NKAIN2: variants seen among roughly 807,000 people sequenced by gnomAD.
The protein encoded by NKAIN2 is sodium/potassium transporting ATPase interacting 2.
NKAIN2 carries 14 observed loss-of-function variants against 32.6 expected under a neutral mutation model. That is an observed-to-expected ratio of 0.43 (90% CI 0.28 to 0.67). The LOEUF (loss-of-function observed/expected upper bound fraction) is 0.67, where lower values mean the gene tolerates loss of function less well. Ranked by LOEUF, NKAIN2 falls within the 30% of genes least tolerant of loss-of-function variation. The pLI is 0.17. For missense variants in NKAIN2, 198 were observed against 258.3 expected (o/e 0.77, Z 1.60); for synonymous variants, 80 against 87.2 (o/e 0.92, Z 0.46).
chr6:124,165,814 A>T (rs1359080300), intron 1 of NKAIN2, among the ~76,000 whole-genome samples: 2 of 143,834 alleles, frequency 1.4e-5, no homozygotes. Flanking sequence ...ATGATTTCCA[A>T]TTTCATCCAT....
intron 4 of NKAIN2, among the ~76,000 whole-genome samples, chr6:124,690,315 A>G (rs536198990): frequency 6.6e-6 from 1 of 152,286 alleles, no homozygotes; most frequent in African/African-American, 2.4e-5. Context: ...CAACCTTGCT[A>G]CAATTGCTAT....
chr6:124,348,566 T>C (rs1016987342), intron 2 of NKAIN2, among the ~76,000 whole-genome samples: 1 of 152,218 alleles, frequency 6.6e-6, no homozygotes, highest in South Asian at 2.1e-4. Flanking sequence ...GCCTCGCTGC[T>C]GCCTTGCAGT....
intron 5 of NKAIN2, among the ~76,000 whole-genome samples, chr6:124,796,546 T>A (rs1377385319): frequency 6.6e-6 from 1 of 152,054 alleles, no homozygotes; most frequent in Admixed American, 6.5e-5. Flanking sequence ...ATCAGATGCC[T>A]GTGGGTAAGA....
chr6:124,384,051 A>G (rs1772773437), intron 3 of NKAIN2, among the ~76,000 whole-genome samples: 1 of 152,202 alleles, frequency 6.6e-6, no homozygotes, highest in African/African-American at 2.4e-5. Context: ...AATAAACATT[A>G]ATTATCAGTA....
chr6:124,777,999 A>T (rs1011489875), intron 4 of NKAIN2, among the ~76,000 whole-genome samples: 2 of 151,924 alleles, frequency 1.3e-5, no homozygotes, highest in Non-Finnish European at 2.9e-5. Context: ...GTACACAGAG[A>T]TGACATCCAG....
intron 3 of NKAIN2, among the ~76,000 whole-genome samples, chr6:124,472,415 C>T (rs995051780): frequency 2.0e-5 from 3 of 151,978 alleles, no homozygotes; most frequent in Admixed American, 6.6e-5. Context: ...AGGATAAATA[C>T]GAACAATTAC....
At chr6:124,053,431 A>G (rs926493836) in intron 1 of NKAIN2, among the ~76,000 whole-genome samples, 2 of 152,042 alleles carry the variant, frequency 1.3e-5, no homozygotes, top group Admixed American at 1.3e-4. Context: ...TAAGCATTAA[A>G]CACCACCTGT....
At chr6:124,126,330 A>G (rs530984630) in intron 1 of NKAIN2, among the ~76,000 whole-genome samples, 2 of 152,038 alleles carry the variant, frequency 1.3e-5, no homozygotes, top group African/African-American at 4.8e-5. Flanking sequence ...TGTATTTCCT[A>G]CTTATACAGT....
intron 5 of NKAIN2, among the ~76,000 whole-genome samples, chr6:124,809,738 A>G (rs1780790290): frequency 6.6e-6 from 1 of 152,070 alleles, no homozygotes; most frequent in African/African-American, 2.4e-5. Context: ...TACTCATCTG[A>G]CAAAGGGCTA....
intron 3 of NKAIN2, among the ~76,000 whole-genome samples, chr6:124,434,484 A>C (rs1475180226): frequency 6.6e-6 from 1 of 152,132 alleles, no homozygotes; most frequent in East Asian, 1.9e-4. Context: ...CTCAAGTGTA[A>C]TCTTTTGTAA....
chr6:124,250,221 T>C (rs2689887), intron 1 of NKAIN2, among the ~76,000 whole-genome samples: 91,677 of 151,892 alleles, frequency 0.6, 30,213 homozygotes, highest in African/African-American at 0.89. Context: ...TGATCAGGGA[T>C]TTTCCTGCCT....
intron 1 of NKAIN2, among the ~76,000 whole-genome samples, chr6:123,912,875 A>G (rs950589820): frequency 1.4e-4 from 17 of 124,474 alleles, no homozygotes; most frequent in Non-Finnish European, 2.7e-4. Context: ...TTGCAACATC[A>G]TTGCAAATTC....
chr6:123,805,494 G>A (rs950236787), intron 1 of NKAIN2, among the ~76,000 whole-genome samples: 4 of 152,104 alleles, frequency 2.6e-5, no homozygotes, highest in African/African-American at 9.7e-5. Context: ...GTTATCTGAT[G>A]GTGTCTATTT....
At chr6:124,607,112 C>A (rs143564839) in intron 3 of NKAIN2, among the ~76,000 whole-genome samples, 196 of 152,158 alleles carry the variant, frequency 1.3e-3, no homozygotes, top group African/African-American at 4.7e-3. Context: ...ACTTGGAATG[C>A]TATAAATACC....
chr6:124,625,725 TTTA>T (rs869065538), intron 3 of NKAIN2, among the ~76,000 whole-genome samples: 35 of 151,934 alleles, frequency 2.3e-4, no homozygotes, highest in Admixed American at 1.6e-3. Flanking sequence ...TATTTATTTA[TTTA>T]TTTTTTGGTC....
intron 3 of NKAIN2, among the ~76,000 whole-genome samples, chr6:124,363,220 A>T (rs777783313): frequency 2.0e-5 from 3 of 152,184 alleles, no homozygotes; most frequent in African/African-American, 7.2e-5. Flanking sequence ...TGTATCTATT[A>T]CTTGTTTGTG....
intron 1 of NKAIN2, among the ~76,000 whole-genome samples, chr6:124,142,670 G>A (rs564363931): frequency 5.1e-4 from 78 of 152,050 alleles, no homozygotes; most frequent in Non-Finnish European, 9.6e-4. Flanking sequence ...TAGATTTTAC[G>A]GTCCATATTT....
chr6:124,722,522 A>G (rs969621944), intron 4 of NKAIN2, among the ~76,000 whole-genome samples: 4 of 152,356 alleles, frequency 2.6e-5, no homozygotes, highest in East Asian at 3.9e-4. Flanking sequence ...ATCAGCAGGC[A>G]TTAGAGTCTC....
At chr6:124,324,502 T>C (rs781029290) in intron 2 of NKAIN2, among the ~76,000 whole-genome samples, 3 of 152,164 alleles carry the variant, frequency 2.0e-5, no homozygotes, top group African/African-American at 4.8e-5. Flanking sequence ...CTGAATTCAG[T>C]ATAGAAAATT....
Sources: allele counts gnomAD v4.1 joint callset (sites outside exome capture counted in the v4.1 genomes callset), GRCh38; gene constraint gnomAD v4.1.1; transcripts MANE v1.5; gene names NCBI Gene and HGNC (gene_info 2026-07-23, HGNC 2026-07-21).